ADORA2B: variants seen among roughly 807,000 people sequenced by gnomAD.
ADORA2B encodes the protein adenosine A2b receptor, also known as adenosine receptor A2b.
A neutral mutation model predicts 20.8 loss-of-function variants in ADORA2B; 18 were observed. The observed-to-expected ratio is 0.87, with a 90% CI of 0.60 to 1.29. The LOEUF is 1.29. Ranked by LOEUF, ADORA2B falls within the 50% of genes most tolerant of loss-of-function variation. The pLI, the probability that ADORA2B is intolerant of heterozygous loss-of-function variation, is 0.00. For missense variants in ADORA2B, 441 were observed against 422.7 expected (o/e 1.04, Z -0.38); for synonymous variants, 179 against 178.3 (o/e 1.00, Z -0.03).
chr17:15,878,976 G>A, the ADORA2B span, among the ~76,000 whole-genome samples: 1 of 152,170 alleles, frequency 6.6e-6, no homozygotes, highest in Non-Finnish European at 1.5e-5. Flanking sequence ...ATCTCTACTT[G>A]ATTATGGTTA....
intron 1 of ADORA2B, among the ~76,000 whole-genome samples, chr17:15,954,575 C>T (rs904968642): frequency 2.0e-5 from 3 of 152,154 alleles, no homozygotes; most frequent in African/African-American, 4.8e-5. Context: ...TTGTTAGACA[C>T]GAGGATAAAC....
In ADORA2B at chr17:15,975,436, C is replaced by G. The variant is rs1009770507; in HGVS notation, c.*94C>G. 4.5e-6 allele frequency: 6 copies of G among 1,338,398 alleles called. No homozygotes were observed. In the South Asian group the frequency reaches 6.9e-5, roughly 15 times the overall value. 82.9% of individuals were successfully genotyped at this position (1,338,398 alleles called of 1,614,324 possible). The stretch of plus-strand genomic sequence containing the variant: ...CATTGTGAAAGATAGCTACACCTCA[C>G]AAGGAAATGGACTGCCTCTCTTGAG... On this transcript the variant is annotated 3_prime_UTR_variant, in exon 2 of 2. Coordinates refer to ENST00000304222, the MANE Select transcript of ADORA2B (RefSeq NM_000676.4).
At chr17:15,864,634 G>A in the ADORA2B span, among the ~76,000 whole-genome samples, 1 of 152,200 alleles carries the variant, frequency 6.6e-6, no homozygotes, top group African/African-American at 2.4e-5. Context: ...AGAACGTGAG[G>A]GGGAGGGGAC....
chr17:15,947,183 T>C (rs1969817888), intron 1 of ADORA2B, among the ~76,000 whole-genome samples: 2 of 152,198 alleles, frequency 1.3e-5, no homozygotes, highest in African/African-American at 4.8e-5. Context: ...CAGTTTCTTC[T>C]CTCTCTTCTG....
intron 1 of ADORA2B, among the ~76,000 whole-genome samples, chr17:15,951,353 G>A (rs1321387792): frequency 2.6e-5 from 4 of 152,192 alleles, no homozygotes; most frequent in East Asian, 1.9e-4. Flanking sequence ...CACGCGGGAC[G>A]TGGCCCATGG....
the ADORA2B span, among the ~76,000 whole-genome samples, chr17:15,892,354 GAC>G: frequency 6.6e-6 from 1 of 152,004 alleles, no homozygotes; most frequent in Admixed American, 6.6e-5. Context: ...TTTTAATAGA[GAC>G]AGGGTTTTTG....
At chr17:15,852,834 T>C in the ADORA2B span, among the ~76,000 whole-genome samples, 1 of 151,634 alleles carries the variant, frequency 6.6e-6, no homozygotes, top group Non-Finnish European at 1.5e-5. Context: ...AAACAAAGAA[T>C]AGGAAATAGA....
the ADORA2B span, among the ~76,000 whole-genome samples, chr17:15,878,208 CACACACAT>C: frequency 6.9e-6 from 1 of 144,174 alleles, no homozygotes; most frequent in Non-Finnish European, 1.5e-5. Context: ...CACACACACA[CACACACAT>C]TATATAAATA....
the ADORA2B span, among the ~76,000 whole-genome samples, chr17:15,915,869 G>A: frequency 0.3 from 46,111 of 151,990 alleles, 7,388 homozygotes; most frequent in African/African-American, 0.4. Context: ...TTCCAGAAAC[G>A]CCCTCACAGC....
chr17:15,970,885 C>T (rs1254818137), intron 1 of ADORA2B, among the ~76,000 whole-genome samples: 6 of 152,150 alleles, frequency 3.9e-5, no homozygotes, highest in South Asian at 4.1e-4. Flanking sequence ...GCATCACACC[C>T]TTCCACAAGA....
At chr17:15,924,071 C>T in the ADORA2B span, among the ~76,000 whole-genome samples, 2 of 152,150 alleles carry the variant, frequency 1.3e-5, no homozygotes, top group African/African-American at 2.4e-5. Context: ...CACCACCATA[C>T]CCAGCTAATG....
chr17:15,937,966 T>G, the ADORA2B span, among the ~76,000 whole-genome samples: 1 of 152,222 alleles, frequency 6.6e-6, no homozygotes, highest in Non-Finnish European at 1.5e-5. Context: ...CTGCCTGGTA[T>G]TGACATTTCA....
the ADORA2B span, among the ~76,000 whole-genome samples, chr17:15,915,220 G>A: frequency 2.6e-5 from 4 of 152,290 alleles, no homozygotes; most frequent in East Asian, 1.9e-4. Flanking sequence ...AGCCAGCAGC[G>A]TTGCCTCTGT....
At chr17:15,964,277 C>G (rs1171597661) in intron 1 of ADORA2B, among the ~76,000 whole-genome samples, 1 of 152,140 alleles carries the variant, frequency 6.6e-6, no homozygotes, top group Non-Finnish European at 1.5e-5. Flanking sequence ...GTGAAATCAT[C>G]TAGGCCTAAA....
the ADORA2B span, among the ~76,000 whole-genome samples, chr17:15,873,748 T>C: frequency 6.6e-6 from 1 of 152,130 alleles, no homozygotes; most frequent in Non-Finnish European, 1.5e-5. Context: ...AAACAATAAA[T>C]GTTGGCGTGG....
At chr17:15,907,087 T>C in the ADORA2B span, among the ~76,000 whole-genome samples, 1 of 152,222 alleles carries the variant, frequency 6.6e-6, no homozygotes, top group Non-Finnish European at 1.5e-5. Context: ...CATCACTTGC[T>C]TTCTGTAAGT....
chr17:15,922,027 G>A, the ADORA2B span, among the ~76,000 whole-genome samples: 1 of 152,180 alleles, frequency 6.6e-6, no homozygotes, highest in African/African-American at 2.4e-5. Context: ...CTTGTGTAGG[G>A]AATTAGAAGT....
chr17:15,912,265 A>G, the ADORA2B span, among the ~76,000 whole-genome samples: 1 of 149,328 alleles, frequency 6.7e-6, no homozygotes, highest in South Asian at 2.1e-4. Context: ...TTGTAGTCCT[A>G]GCTACTTGGG....
chr17:15,961,711 G>A (rs1316948825), intron 1 of ADORA2B, among the ~76,000 whole-genome samples: 1 of 152,218 alleles, frequency 6.6e-6, no homozygotes. Flanking sequence ...AGGGCCTTCT[G>A]GCTGCATCAT....
Sources: gnomAD v4.1 joint callset for allele counts (sites outside exome capture counted in the v4.1 genomes callset) on GRCh38, gnomAD v4.1.1 for gene constraint, MANE v1.5 for transcripts, NCBI Gene and HGNC (gene_info 2026-07-23, HGNC 2026-07-21) for gene names.